Variants in ELMOD1 observed in about 807,000 individuals in gnomAD.
The protein encoded by ELMOD1 is ELMO domain containing 1, also known as ELMO domain-containing protein 1.
ELMOD1 carries 21 observed loss-of-function variants against 46.7 expected under a neutral mutation model. That is an observed-to-expected ratio of 0.45 (90% CI 0.32 to 0.65). The LOEUF (loss-of-function observed/expected upper bound fraction) is 0.65, where lower values mean the gene tolerates loss of function less well. ELMOD1 is among the 30% of genes least tolerant of loss of function. ELMOD1 has a pLI of 0.04. For missense variants in ELMOD1, 348 were observed against 407.8 expected (o/e 0.85, Z 1.26); for synonymous variants, 122 against 138.2 (o/e 0.88, Z 0.82).
chr11:107,654,032 C>A, intron 9 of ELMOD1, 140 bp from the exon 10 acceptor site: 1 of 703,000 alleles, frequency 1.4e-6, no homozygotes, highest in Non-Finnish European at 2.5e-6. Flanking sequence ...ATAAATTGTA[C>A]TGTGGCTTAA....
intron 6 of ELMOD1, among the ~76,000 whole-genome samples, chr11:107,645,089 A>ATTTTTTTTTTT (rs11390120): frequency 1.8e-3 from 186 of 103,116 alleles, no homozygotes; most frequent in Non-Finnish European, 2.3e-3. Context: ...TGCCTGGCTA[A>ATTTTTTTTTTT]TTTTTTTTTT....
chr11:107,636,448 T>C lies in ELMOD1; in HGVS notation c.420+683T>C, dbSNP rs1047606971. On this transcript the variant is annotated intron_variant, in intron 6 of 11. Coordinates refer to ENST00000265840, the MANE Select transcript of ELMOD1 (RefSeq NM_018712.4). ...AATAATTAAGACTACCCTTTAGAAC[T>C]ACATACTTACCTGAAATGTTTTATA... Among the ~76,000 whole-genome samples the C allele has an allele frequency of 3.3e-5, 5 of 152,354 alleles. No individual in the cohort carries two copies. The East Asian group carries it at 9.6e-4, about 29-fold the overall frequency.
intron 1 of ELMOD1, among the ~76,000 whole-genome samples, chr11:107,595,985 A>G (rs1371188804): frequency 6.6e-6 from 1 of 152,146 alleles, no homozygotes; most frequent in Non-Finnish European, 1.5e-5. Flanking sequence ...GGTGCAAGGC[A>G]AAATAATTGT....
intron 2 of ELMOD1, among the ~76,000 whole-genome samples, chr11:107,627,680 ACC>A (rs1866065996): frequency 6.6e-6 from 1 of 152,112 alleles, no homozygotes; most frequent in African/African-American, 2.4e-5. Flanking sequence ...CTTTGTGTAG[ACC>A]TGATACAGAG....
intron 2 of ELMOD1, among the ~76,000 whole-genome samples, chr11:107,628,450 C>A (rs1866081678): frequency 6.6e-6 from 1 of 152,166 alleles, no homozygotes; most frequent in African/African-American, 2.4e-5. Context: ...CAGGCGTGAG[C>A]CACTGCGTCC....
intron 1 of ELMOD1, among the ~76,000 whole-genome samples, chr11:107,601,416 C>CTTTT (rs56341702): frequency 8.2e-5 from 10 of 122,118 alleles, no homozygotes; most frequent in Non-Finnish European, 1.5e-4. Context: ...TTAATTTTTT[C>CTTTT]TTTTTTTTTT....
chr11:107,642,706 A>G (rs1039636681), intron 6 of ELMOD1, among the ~76,000 whole-genome samples: 21 of 152,216 alleles, frequency 1.4e-4, no homozygotes, highest in African/African-American at 5.1e-4. Flanking sequence ...ACACTGGTGA[A>G]TATACAGCTT....
At chr11:107,593,871 AAAAAT>A (rs1223687158) in intron 1 of ELMOD1, among the ~76,000 whole-genome samples, 4 of 152,170 alleles carry the variant, frequency 2.6e-5, no homozygotes, top group Non-Finnish European at 5.9e-5. Flanking sequence ...TATGGGTTGA[AAAAAT>A]AAAGTGGAGC....
At position 107,644,416 on chromosome 11, in the gene ELMOD1, C is replaced by T. The variant is rs1290355669; in HGVS notation, c.421-3052C>T. Reference sequence around the variant, plus strand: ...TTGTCACCCACCTACGGAAATGAAGCGCCTGCTTTTGCCATCTTGCTGCAC... The same window carrying T: ...TTGTCACCCACCTACGGAAATGAAGTGCCTGCTTTTGCCATCTTGCTGCAC... On this transcript the variant is annotated intron_variant, in intron 6 of 11. Transcript: ENST00000265840. Among the ~76,000 whole-genome samples the T allele has an allele frequency of 2.0e-5, 3 of 152,196 alleles. No homozygotes were observed. In the East Asian group the frequency reaches 5.8e-4, roughly 29 times the overall value.
chr11:107,659,309 A>G (rs616241), intron 11 of ELMOD1, among the ~76,000 whole-genome samples: 118,678 of 151,944 alleles, frequency 0.78, 47,280 homozygotes, highest in African/African-American at 0.94. Context: ...TGCTCATTAG[A>G]GAAATCAGGG....
At chr11:107,643,632 T>C in intron 6 of ELMOD1, 1 of 532,316 alleles carries the variant, frequency 1.9e-6, no homozygotes, top group Non-Finnish European at 3.9e-6. Context: ...GTCTGAAGTT[T>C]GACAGCAAGT....
rs754795500 is a variant in ELMOD1 at position 107,647,601 on chromosome 11, A to G, written c.554A>G (p.Gln185Arg). The G allele has an allele frequency of 9.3e-6, 15 of 1,611,154 alleles. No individual in the cohort carries two copies. The highest frequency in any genetic ancestry group is 1.3e-5 in the Non-Finnish European group (15 of 1,178,878). ...GMGLLGLYNLQYFAERDATAA... is the reference protein window; with the variant it reads ...GMGLLGLYNLRYFAERDATAA... ...GGACTTCTGGGACTGTACAATTTGC[A>G]GTAAGTAAAATGAAGGACAGCTAAG... Residue 185 changes from glutamine to arginine, a missense_variant and splice_region_variant, in exon 7 of 12, where the codon CAG becomes CGG. Physicochemically the swap from Gln to Arg is conservative, Grantham distance 43 (BLOSUM62 1). Transcript: ENST00000265840.
intron 10 of ELMOD1, 115 bp downstream of exon 10, chr11:107,654,337 A>G: frequency 1.1e-6 from 1 of 899,152 alleles, no homozygotes; most frequent in Non-Finnish European, 1.7e-6. Context: ...GAAATATACA[A>G]TCTGGTTAAA....
rs562100997 is a variant in ELMOD1 at position 107,604,727 on chromosome 11, T to A, written c.-86+13318T>A. ...GTCAAGCCATGCATAATTATAGCTC[T>A]AAAGTGTGTTAAAAACTACTTTTTT... On this transcript the variant is annotated intron_variant, in intron 1 of 11. Transcript: ENST00000265840. 4.6e-4 allele frequency among the ~76,000 whole-genome samples: 70 copies of A among 152,362 alleles called. No individual in the cohort carries two copies. In the South Asian group the frequency reaches 0.014, roughly 31 times the overall value.
chr11:107,599,798 C>T (rs1865565493), intron 1 of ELMOD1, among the ~76,000 whole-genome samples: 2 of 144,090 alleles, frequency 1.4e-5, no homozygotes, highest in Non-Finnish European at 3.0e-5. Context: ...TAACAGCATA[C>T]TGGGGACTCT....
intron 6 of ELMOD1, among the ~76,000 whole-genome samples, chr11:107,640,937 A>T (rs1866310568): frequency 1.3e-5 from 2 of 152,242 alleles, no homozygotes; most frequent in South Asian, 4.1e-4. Flanking sequence ...TATAATTCAA[A>T]CATAAACTTT....
chr11:107,599,265 G>T (rs919544940), intron 1 of ELMOD1, among the ~76,000 whole-genome samples: 2 of 152,134 alleles, frequency 1.3e-5, no homozygotes, highest in African/African-American at 4.8e-5. Flanking sequence ...CATTCCAAGA[G>T]AAAATTTTTT....
chr11:107,609,287 TA>T (rs1865737842), intron 1 of ELMOD1, among the ~76,000 whole-genome samples: 1 of 152,248 alleles, frequency 6.6e-6, no homozygotes, highest in Non-Finnish European at 1.5e-5. Context: ...AACTTTTTAT[TA>T]AACTGGGGTA....
At chr11:107,664,984 T>C (rs1253879177) in intron 11 of ELMOD1, 41 bp from the exon 12 acceptor site, 10 of 1,558,228 alleles carry the variant, frequency 6.4e-6, no homozygotes, top group Non-Finnish European at 8.7e-6. Flanking sequence ...TTAAGGATTT[T>C]TTTTTCTCCT....
Sources: allele counts gnomAD v4.1 joint callset (sites outside exome capture counted in the v4.1 genomes callset), GRCh38; gene constraint gnomAD v4.1.1; transcripts MANE v1.5; gene names NCBI Gene and HGNC (gene_info 2026-07-23, HGNC 2026-07-21).